BMPR1B: variants seen among roughly 807,000 people sequenced by gnomAD.
The protein encoded by BMPR1B is bone morphogenetic protein receptor type-1B.
Under a neutral mutation model 59.1 loss-of-function variants are expected in BMPR1B, and 12 were observed. That is an observed-to-expected ratio of 0.20 (90% CI 0.13 to 0.33). BMPR1B has a LOEUF of 0.33. Ranked by LOEUF, BMPR1B falls within the 10% of genes least tolerant of loss-of-function variation. BMPR1B has a pLI of 1.00. For missense variants in BMPR1B, 550 were observed against 610.9 expected, an observed-to-expected ratio of 0.90 and a Z score of 1.05; for synonymous variants, 237 against 207.3, an observed-to-expected ratio of 1.14 and a Z score of -1.23.
chr4:95,062,065 C>T (rs565038049), intron 3 of BMPR1B, among the ~76,000 whole-genome samples: 2 of 152,238 alleles, frequency 1.3e-5, no homozygotes, highest in Admixed American at 6.6e-5. Context: ...GAGGCCTCAC[C>T]AGCCATGCCT....
chr4:94,968,605 C>T (rs535743665), intron 2 of BMPR1B, among the ~76,000 whole-genome samples: 55 of 152,172 alleles, frequency 3.6e-4, no homozygotes, highest in South Asian at 3.5e-3. Flanking sequence ...TTAGTTTTGA[C>T]GTTGACCCTT....
intron 2 of BMPR1B, among the ~76,000 whole-genome samples, chr4:94,901,335 A>T (rs1727802520): frequency 6.6e-6 from 1 of 152,016 alleles, no homozygotes; most frequent in Non-Finnish European, 1.5e-5. Context: ...GTGCAACATG[A>T]TGTAAAATCT....
intron 2 of BMPR1B, among the ~76,000 whole-genome samples, chr4:94,909,097 C>T (rs1728178237): frequency 6.6e-6 from 1 of 152,046 alleles, no homozygotes; most frequent in Non-Finnish European, 1.5e-5. Flanking sequence ...CCAGTCTCTG[C>T]TTTCACATGG....
At chr4:95,135,769 T>C (rs571965341) in intron 10 of BMPR1B, among the ~76,000 whole-genome samples, 4 of 152,260 alleles carry the variant, frequency 2.6e-5, no homozygotes, top group East Asian at 1.9e-4. Context: ...TGGGCTGAGA[T>C]GATGGGGTTT....
At position 94,770,680 on chromosome 4, in the gene BMPR1B, G is replaced by A. The variant is rs374295104; in HGVS notation, c.-183+12612G>A. On this transcript the variant is annotated intron_variant, in intron 1 of 12. Transcript: ENST00000515059. ...ACTTCCAGCACCTTCCCTGTTTATG[G>A]TTTTCCTGCCAAAATAATTCCTTTT... 9.2e-5 allele frequency among the ~76,000 whole-genome samples: 14 copies of A among 151,794 alleles called. No homozygotes were observed. In the South Asian group the frequency reaches 1.7e-3, roughly 18 times the overall value.
chr4:95,066,509 A>G (rs1727814854), intron 3 of BMPR1B, among the ~76,000 whole-genome samples: 1 of 152,336 alleles, frequency 6.6e-6, no homozygotes, highest in Admixed American at 6.5e-5. Context: ...TGTAGCATAC[A>G]GGTTAGGTAA....
intron 3 of BMPR1B, among the ~76,000 whole-genome samples, chr4:95,085,569 T>A (rs1452471694): frequency 6.6e-6 from 1 of 152,188 alleles, no homozygotes; most frequent in Non-Finnish European, 1.5e-5. Flanking sequence ...CCACTCCCGG[T>A]CCCTCAACTT....
In BMPR1B at chr4:95,155,689, G is replaced by C. The variant is rs1412053391; in HGVS notation, c.*1016G>C. 1 of 151,722 alleles carries C rather than the reference G, an allele frequency of 6.6e-6. No individual in the cohort carries two copies. The highest frequency in any genetic ancestry group is 1.5e-5 in the Non-Finnish European group (1 of 67,934). 9.4% of individuals were successfully genotyped at this position (151,722 alleles called of 1,614,324 possible). ...ATGAGGGTGATCGTGCAGATGGCTT[G>C]TATCTTATATATGCAAAGGAGCCAA... On this transcript the variant is annotated 3_prime_UTR_variant, in exon 13 of 13. Transcript: ENST00000515059.
chr4:94,811,722 G>A (rs577687232), intron 1 of BMPR1B, among the ~76,000 whole-genome samples: 21 of 152,136 alleles, frequency 1.4e-4, no homozygotes, highest in South Asian at 4.2e-4. Context: ...CAAATGCCAG[G>A]GAGGGAACCT....
rs530543427 is a variant in BMPR1B, at chr4:95,027,499, T to C, written c.-18+31365T>C. On this transcript the variant is annotated intron_variant, in intron 3 of 12. Transcript: ENST00000515059. ...CTGGATGATAAATGCCGAGCCATCA[T>C]GTCAAGCCTATTCTGAAGATGTCCA... 4.6e-5 allele frequency among the ~76,000 whole-genome samples: 7 copies of C among 152,344 alleles called. 1 individual carries two copies. In the South Asian group the frequency reaches 1.4e-3, roughly 32 times the overall value.
intron 3 of BMPR1B, among the ~76,000 whole-genome samples, chr4:95,063,192 T>A (rs1305049418): frequency 6.6e-6 from 1 of 152,184 alleles, no homozygotes; most frequent in Non-Finnish European, 1.5e-5. Context: ...ACAATAGCTA[T>A]TAATAAACTA....
intron 6 of BMPR1B, among the ~76,000 whole-genome samples, chr4:95,117,803 A>G (rs1732182286): frequency 6.6e-6 from 1 of 152,152 alleles, no homozygotes; most frequent in Non-Finnish European, 1.5e-5. Flanking sequence ...ATCTTTTTAA[A>G]TAAATAAGAA....
intron 10 of BMPR1B, among the ~76,000 whole-genome samples, chr4:95,137,912 G>A (rs917645416): frequency 6.6e-6 from 1 of 152,078 alleles, no homozygotes; most frequent in Non-Finnish European, 1.5e-5. Context: ...TTACATTTAA[G>A]GTTAATATTG....
intron 1 of BMPR1B, among the ~76,000 whole-genome samples, chr4:94,803,549 T>C (rs1353296961): frequency 2.0e-5 from 3 of 152,182 alleles, no homozygotes; most frequent in Admixed American, 6.5e-5. Flanking sequence ...TATTCTAATA[T>C]CAAAAATGGG....
intron 3 of BMPR1B, among the ~76,000 whole-genome samples, chr4:95,071,173 C>G (rs943718060): frequency 6.6e-6 from 1 of 152,174 alleles, no homozygotes; most frequent in African/African-American, 2.4e-5. Context: ...AGCTTTCATA[C>G]CTCTGGTGAT....
chr4:95,064,092 A>G lies in BMPR1B; in HGVS notation c.-17-40316A>G, dbSNP rs1198610772. Among the ~76,000 whole-genome samples the G allele has an allele frequency of 2.0e-5, 3 of 152,346 alleles. No individual in the cohort carries two copies. In the East Asian group the frequency reaches 5.8e-4, roughly 29 times the overall value. On this transcript the variant is annotated intron_variant, in intron 3 of 12. Coordinates refer to ENST00000515059, the MANE Select transcript of BMPR1B (RefSeq NM_001203.3). ...AGTGATATATATCATTTATAGGTATAGATAAATAATTATATGGAAATATTC... is the reference window on the plus strand; with the variant it reads ...AGTGATATATATCATTTATAGGTATGGATAAATAATTATATGGAAATATTC...
chr4:95,142,468 TTAAAG>T (rs1394753141), intron 10 of BMPR1B, among the ~76,000 whole-genome samples: 5 of 152,186 alleles, frequency 3.3e-5, no homozygotes, highest in African/African-American at 1.2e-4. Flanking sequence ...CACACACTCT[TTAAAG>T]TACAGTTCTT....
At chr4:94,962,078 TCCTTCC>T (rs1560569147) in intron 2 of BMPR1B, among the ~76,000 whole-genome samples, 65 of 79,290 alleles carry the variant, frequency 8.2e-4, no homozygotes, top group African/African-American at 3.2e-3. Flanking sequence ...TTTCTTTCCT[TCCTTCC>T]TTCCTTCCTT....
chr4:95,071,570 T>G (rs1050853289), intron 3 of BMPR1B, among the ~76,000 whole-genome samples: 2 of 150,958 alleles, frequency 1.3e-5, no homozygotes, highest in Non-Finnish European at 2.9e-5. Context: ...CACAGAGTTA[T>G]GAAGGGCTAT....
Sources: gnomAD v4.1 joint callset for allele counts (sites outside exome capture counted in the v4.1 genomes callset) on GRCh38, gnomAD v4.1.1 for gene constraint, MANE v1.5 for transcripts, NCBI Gene and HGNC (gene_info 2026-07-23, HGNC 2026-07-21) for gene names.